Variants in ARHGAP35 observed in about 807,000 individuals in gnomAD.
The protein encoded by ARHGAP35 is Rho GTPase activating protein 35, also known as rho GTPase-activating protein 35.
Under a neutral mutation model 111.1 loss-of-function variants are expected in ARHGAP35, and 15 were observed. The ratio of observed to expected loss-of-function variants is 0.13; its 90% CI spans 0.09 to 0.21. The LOEUF is 0.21. Among genes scored for constraint, ARHGAP35 ranks in the 10% least tolerant of loss-of-function variants. The pLI is 1.00. For missense variants in ARHGAP35, 1,262 were observed against 1,873.0 expected, an observed-to-expected ratio of 0.67 and a Z score of 6.02; for synonymous variants, 643 against 710.3, an observed-to-expected ratio of 0.91 and a Z score of 1.51.
chr19:46,924,731 A>G (rs1419751242), intron 2 of ARHGAP35, among the ~76,000 whole-genome samples: 2 of 152,226 alleles, frequency 1.3e-5, no homozygotes, highest in East Asian at 1.9e-4. Context: ...TCCTCTCCCA[A>G]TGAAGACTGT....
chr19:46,942,578 A>T (rs1175916394), intron 3 of ARHGAP35, among the ~76,000 whole-genome samples: 2 of 152,186 alleles, frequency 1.3e-5, no homozygotes, highest in East Asian at 1.9e-4. Flanking sequence ...CGGAGGTTGC[A>T]GTGAGCCGAG....
intron 3 of ARHGAP35, among the ~76,000 whole-genome samples, chr19:46,974,912 C>G (rs1051210387): frequency 6.6e-6 from 1 of 152,100 alleles, no homozygotes; most frequent in Non-Finnish European, 1.5e-5. Context: ...CTCACTGTTG[C>G]CTGGGCTGAG....
At chr19:46,917,231 T>A (rs1181460161) in intron 1 of ARHGAP35, among the ~76,000 whole-genome samples, 1 of 152,168 alleles carries the variant, frequency 6.6e-6, no homozygotes, top group African/African-American at 2.4e-5. Context: ...AGTGGAATCA[T>A]ATAGTATTTG....
intron 2 of ARHGAP35, among the ~76,000 whole-genome samples, chr19:46,930,155 C>A (rs1599827548): frequency 6.6e-6 from 1 of 151,974 alleles, no homozygotes. Context: ...TTGCTTGAGC[C>A]CAGGAGTTTG....
In ARHGAP35 at chr19:46,986,242, G is replaced by A. The variant is rs115931729; in HGVS notation, c.3827-1747G>A. Among the ~76,000 whole-genome samples the A allele has an allele frequency of 4.9e-3, 748 of 152,332 alleles. 5 individuals carry two copies. The highest frequency in any genetic ancestry group is 0.017 in the African/African-American group (711 of 41,564). On this transcript the variant is annotated intron_variant, in intron 3 of 6. Coordinates refer to ENST00000672722, the MANE Select transcript of ARHGAP35 (RefSeq NM_004491.5). The surrounding 1 kb of genome is among the most constrained non-coding windows in gnomAD (Gnocchi z 4.3). ...GTGGACTTCGTTCCCAGGACAGGGT[G>A]AGTGGACTCAGTAGACAGCTTGGAA...
At chr19:46,935,516 A>G (rs1010403581) in intron 2 of ARHGAP35, among the ~76,000 whole-genome samples, 2 of 152,224 alleles carry the variant, frequency 1.3e-5, no homozygotes, top group African/African-American at 4.8e-5. Flanking sequence ...ACAAAGGGGT[A>G]CTGGTAGGAA....
Position 46,959,072 on chromosome 19 carries a change from T to TA in ARHGAP35, c.3826+21673dup, listed in dbSNP as rs200183928. 4.1e-3 allele frequency among the ~76,000 whole-genome samples: 620 copies of TA among 152,002 alleles called. 4 individuals are homozygous for TA. Among genetic ancestry groups the TA allele is most frequent in the African/African-American group, 0.013 (560 of 41,484 alleles). ...TAGCATTCTGGAAAATCTCCTTTTTTAAAAAAAAATTTATTTATTTATTTG... is the reference window on the plus strand; with the variant it reads ...TAGCATTCTGGAAAATCTCCTTTTTTAAAAAAAAAATTTATTTATTTATTTG... On this transcript the variant is annotated intron_variant, in intron 3 of 6. Coordinates refer to ENST00000672722, the MANE Select transcript of ARHGAP35 (RefSeq NM_004491.5).
At position 46,922,014 on chromosome 19, in the gene ARHGAP35, A is replaced by G. The variant is rs1194554761; in HGVS notation, c.3339A>G (p.Gln1113=). The G allele has an allele frequency of 5.6e-6, 9 of 1,613,870 alleles. No homozygotes were observed. Among genetic ancestry groups the G allele is most frequent in the Middle Eastern group, 1.6e-4 (1 of 6,082 alleles). Reference sequence around the variant, plus strand: ...ACTCCGTGCCCCATGACAGCACCCAAGGCAAAATCATCACCATTCGGAATA... The same window carrying G: ...ACTCCGTGCCCCATGACAGCACCCAGGGCAAAATCATCACCATTCGGAATA... ...NIYSVPHDST[Q]GKIITIRNIN... The change falls in exon 2 of 7, where the codon CAA becomes CAG. Residue 1113 remains glutamine, a synonymous_variant. Transcript: ENST00000672722. This position sits in a 1 kb window ranked among gnomAD's most constrained non-coding sequence, Gnocchi z 4.0.
In ARHGAP35 at chr19:46,960,283, G is replaced by A. The variant is rs534525796; in HGVS notation, c.3826+22875G>A. ...TAGGTACCCATCTTCTTGGGTATAC[G>A]TATCACTCTGCTAAGAAACAAAAGG... is the stretch of plus-strand genomic sequence containing the variant. On this transcript the variant is annotated intron_variant, in intron 3 of 6. Transcript: ENST00000672722. Among the ~76,000 whole-genome samples, 9 of 152,142 alleles carry A rather than the reference G, an allele frequency of 5.9e-5. No individual in the cohort carries two copies. In the South Asian group the frequency reaches 6.2e-4, roughly 11 times the overall value.
At chr19:46,864,815 T>C (rs2055846705) in intron 1 of ARHGAP35, among the ~76,000 whole-genome samples, 1 of 152,230 alleles carries the variant, frequency 6.6e-6, no homozygotes, top group Non-Finnish European at 1.5e-5. Context: ...TGAATTTATC[T>C]TAGAGTTTGT....
At chr19:46,984,896 C>T (rs1293485251) in intron 3 of ARHGAP35, among the ~76,000 whole-genome samples, 1 of 152,208 alleles carries the variant, frequency 6.6e-6, no homozygotes, top group Non-Finnish European at 1.5e-5. Context: ...TCCTCAGTCC[C>T]GCTGAAGGTC....
In ARHGAP35 at chr19:46,992,071, C is replaced by T. The variant is rs903978253; in HGVS notation, c.4036+2396C>T. Among the ~76,000 whole-genome samples, 24 of 152,230 alleles carry T rather than the reference C, an allele frequency of 1.6e-4. No individual in the cohort carries two copies. Among genetic ancestry groups the T allele is most frequent in the Non-Finnish European group, 3.4e-4 (23 of 68,054 alleles). On this transcript the variant is annotated intron_variant, in intron 5 of 6. Transcript: ENST00000672722. This position sits in a 1 kb window ranked among gnomAD's most constrained non-coding sequence, Gnocchi z 4.4. ...ATTTGCCAGTTATTTTCCTCCCACACTCAAGGTGACACGTGGGAGATTCAG... is the reference window on the plus strand; with the variant it reads ...ATTTGCCAGTTATTTTCCTCCCACATTCAAGGTGACACGTGGGAGATTCAG...
chr19:46,989,498 G>A lies in ARHGAP35; in HGVS notation c.3905-46G>A, dbSNP rs2056668485. 6.2e-7 allele frequency: 1 copy of A among 1,610,226 alleles called. No individual in the cohort carries two copies. The highest frequency in any genetic ancestry group is 2.2e-5 in the East Asian group (1 of 44,744). ...AGCCCCGAGTTGTCCTGATGCTTCT[G>A]CCTGGCTTAGAATGGTTTGGCCTCA... On this transcript the variant is annotated intron_variant, in intron 4 of 6. Coordinates refer to ENST00000672722, the MANE Select transcript of ARHGAP35 (RefSeq NM_004491.5). This position sits in a 1 kb window ranked among gnomAD's most constrained non-coding sequence, Gnocchi z 5.3.
At chr19:46,938,539 G>T (rs1190172852) in intron 3 of ARHGAP35, among the ~76,000 whole-genome samples, 4 of 151,932 alleles carry the variant, frequency 2.6e-5, no homozygotes, top group African/African-American at 9.7e-5. Flanking sequence ...TTTTAGTAGA[G>T]ACGGGTTTTT....
intron 3 of ARHGAP35, among the ~76,000 whole-genome samples, chr19:46,946,218 C>T (rs1164567922): frequency 6.6e-6 from 1 of 152,218 alleles, no homozygotes; most frequent in Admixed American, 6.5e-5. Context: ...AGGCCTGGCT[C>T]TGGGCACTCC....
intron 1 of ARHGAP35, among the ~76,000 whole-genome samples, chr19:46,910,372 C>T (rs2056131452): frequency 6.6e-6 from 1 of 152,194 alleles, no homozygotes; most frequent in Non-Finnish European, 1.5e-5. Context: ...CTCACTGCAA[C>T]ATCTGCCTCC....
chr19:46,873,945 C>A (rs928290485), intron 1 of ARHGAP35, among the ~76,000 whole-genome samples: 61 of 151,722 alleles, frequency 4.0e-4, no homozygotes, highest in African/African-American at 1.5e-3. Flanking sequence ...ACGGGGTTTC[C>A]CCATGTTAGT....
rs374648999 is a variant in ARHGAP35, at chr19:46,920,680, G to A, written c.2005G>A (p.Glu669Lys). Residue 669 changes from glutamate (E) to lysine (K), a missense_variant, in exon 2 of 7, where the codon GAA becomes AAA. This residue lies in a region of ARHGAP35 where 37 missense variants were observed against 83.9 expected (regional missense o/e 0.44). Transcript: ENST00000672722. The surrounding 1 kb of genome is among the most constrained non-coding windows in gnomAD (Gnocchi z 7.0). ...HGCLCLYNSK[E>K]SLSYVVESIE... ...CTGTCTCTGCCTTTACAATTCAAAG[G>A]AATCGCTATCCTATGTAGTGGAAAG... The A allele has an allele frequency of 2.5e-6, 4 of 1,613,918 alleles. No individual in the cohort carries two copies. The highest frequency in any genetic ancestry group is 3.4e-6 in the Non-Finnish European group (4 of 1,179,886).
At chr19:46,970,182 TAA>T (rs1394032558) in intron 3 of ARHGAP35, among the ~76,000 whole-genome samples, 1 of 152,232 alleles carries the variant, frequency 6.6e-6, no homozygotes, top group East Asian at 1.9e-4. Flanking sequence ...CATCTTGGCT[TAA>T]GTCTGTCAAC....
Sources: gnomAD v4.1 joint callset for allele counts (sites outside exome capture counted in the v4.1 genomes callset) on GRCh38, gnomAD v4.1.1 for gene constraint, gnomAD v4.1.1 regional missense constraint, Gnocchi (gnomAD v3.1) non-coding constraint, MANE v1.5 for transcripts, NCBI Gene and HGNC (gene_info 2026-07-23, HGNC 2026-07-21) for gene names.